Variants in CARM1 observed in about 807,000 individuals in gnomAD.
CARM1 encodes coactivator associated arginine methyltransferase 1, also known as histone-arginine methyltransferase CARM1.
CARM1 carries 14 observed loss-of-function variants against 72.7 expected under a neutral mutation model. That is an observed-to-expected ratio of 0.19 (90% CI 0.13 to 0.30). The LOEUF is 0.30. Ranked by LOEUF, CARM1 falls within the 10% of genes least tolerant of loss-of-function variation. The pLI, the probability that CARM1 is intolerant of heterozygous loss-of-function variation, is 1.00. For synonymous variants in CARM1, 333 were observed against 345.5 expected (o/e 0.96, Z 0.40); for missense variants, 432 against 833.7 (o/e 0.52, Z 5.93).
intron 1 of CARM1, among the ~76,000 whole-genome samples, chr19:10,878,829 G>A (rs1234313861): frequency 2.0e-5 from 3 of 148,972 alleles, no homozygotes; most frequent in African/African-American, 4.9e-5. Flanking sequence ...TTTTGAGATG[G>A]TGTCTCGCTC....
chr19:10,892,397 C>T (rs994234621), intron 1 of CARM1, among the ~76,000 whole-genome samples: 2 of 152,224 alleles, frequency 1.3e-5, no homozygotes, highest in South Asian at 4.1e-4. Context: ...GGTTGGGATT[C>T]GCCCAGAGGC....
rs990986728 is a variant in CARM1, at chr19:10,921,826, G to A, written c.*69G>A. 25 of 1,480,452 alleles carry A rather than the reference G, an allele frequency of 1.7e-5. No homozygotes were observed. Among genetic ancestry groups the A allele is most frequent in the South Asian group, 3.9e-5 (3 of 76,560 alleles). 91.7% of individuals were successfully genotyped at this position (1,480,452 alleles called of 1,614,324 possible). A position where few individuals can be genotyped will look rare whatever the true frequency, so the allele number is the denominator to read the frequency against. Reference sequence around the variant, plus strand: ...TCCCTGCCCGCCGCCCCCGCCGGGCGGCTTTCCCCCTTGTACTGGAGAAGC... The same window carrying A: ...TCCCTGCCCGCCGCCCCCGCCGGGCAGCTTTCCCCCTTGTACTGGAGAAGC... On this transcript the variant is annotated 3_prime_UTR_variant, in exon 16 of 16. Coordinates refer to ENST00000327064, the MANE Select transcript of CARM1 (RefSeq NM_199141.2).
At position 10,916,841 on chromosome 19, in the gene CARM1, C is replaced by T. The variant is rs2074200946; in HGVS notation, c.1020+64C>T. 2 of 1,227,242 alleles carry T rather than the reference C, an allele frequency of 1.6e-6. No homozygotes were observed. The highest frequency in any genetic ancestry group is 2.1e-5 in the Admixed American group (1 of 48,166). 76.0% of individuals were successfully genotyped at this position (1,227,242 alleles called of 1,614,324 possible). Reference sequence around the variant, plus strand: ...TGCCATTGCTGTGCAGCTGTGCAGCCCTCAGGAAGCTACAGCCCCTCTCTG... The same window carrying T: ...TGCCATTGCTGTGCAGCTGTGCAGCTCTCAGGAAGCTACAGCCCCTCTCTG... On this transcript the variant is annotated intron_variant, in intron 8 of 15. Transcript: ENST00000327064. The surrounding 1 kb of genome is among the most constrained non-coding windows in gnomAD (Gnocchi z 4.4).
chr19:10,911,207 T>C (rs2074148048), intron 4 of CARM1, among the ~76,000 whole-genome samples: 1 of 152,136 alleles, frequency 6.6e-6, no homozygotes, highest in Non-Finnish European at 1.5e-5. Context: ...CTCTTTTGAA[T>C]CAAATGGGAG....
chr19:10,920,070 C>G lies in CARM1; in HGVS notation c.1196+104C>G. On this transcript the variant is annotated intron_variant, in intron 10 of 15. Transcript: ENST00000327064. This position sits in a 1 kb window ranked among gnomAD's most constrained non-coding sequence, Gnocchi z 5.3. ...GGAACATGGCTCCAGGTTCCACCAT[C>G]CCTTCCAATGGGAGTGAGAGCCTGT... 2 of 868,216 alleles carry G rather than the reference C, an allele frequency of 2.3e-6. No individual in the cohort carries two copies. The highest frequency in any genetic ancestry group is 1.4e-5 in the South Asian group (1 of 71,682). 53.8% of individuals were successfully genotyped at this position (868,216 alleles called of 1,614,324 possible). A position where few individuals can be genotyped will look rare whatever the true frequency, so the allele number is the denominator to read the frequency against.
In CARM1 at chr19:10,915,397, G is replaced by T. The variant is rs945492455; in HGVS notation, c.848-1010G>T. On this transcript the variant is annotated intron_variant, in intron 6 of 15. Transcript: ENST00000327064. The surrounding 1 kb of genome is among the most constrained non-coding windows in gnomAD (Gnocchi z 4.6). Reference sequence around the variant, plus strand: ...CGTCCCAGCAGCCAGCTTGCAGGGAGGGGGGAGGCCAGGCCTGTGCAAGGA... The same window carrying T: ...CGTCCCAGCAGCCAGCTTGCAGGGATGGGGGAGGCCAGGCCTGTGCAAGGA... 2.6e-5 allele frequency among the ~76,000 whole-genome samples: 4 copies of T among 152,060 alleles called. No individual in the cohort carries two copies. Among genetic ancestry groups the T allele is most frequent in the African/African-American group, 9.7e-5 (4 of 41,410 alleles).
chr19:10,917,820 C>T (rs560252427), intron 8 of CARM1, among the ~76,000 whole-genome samples: 5 of 150,772 alleles, frequency 3.3e-5, no homozygotes, highest in Admixed American at 2.7e-4. Context: ...CGGGCTCAAG[C>T]GATTCTCAGA....
rs375683283 is a variant in CARM1 at position 10,916,826 on chromosome 19, G to A, written c.1020+49G>A. ...GCTGCAGTGATCACTTGCCATTGCT[G>A]TGCAGCTGTGCAGCCCTCAGGAAGC... On this transcript the variant is annotated intron_variant, in intron 8 of 15. Coordinates refer to ENST00000327064, the MANE Select transcript of CARM1 (RefSeq NM_199141.2). The surrounding 1 kb of genome is among the most constrained non-coding windows in gnomAD (Gnocchi z 4.4). 11 of 1,316,144 alleles carry A rather than the reference G, an allele frequency of 8.4e-6. No individual in the cohort carries two copies. Among genetic ancestry groups the A allele is most frequent in the Admixed American group, 2.0e-5 (1 of 49,632 alleles). The allele number at this position is 1,316,144 out of a possible 1,614,324, so 81.5% of individuals were successfully genotyped here. A position where few individuals can be genotyped will look rare whatever the true frequency, so the allele number is the denominator to read the frequency against.
At chr19:10,876,743 G>C (rs2073867543) in intron 1 of CARM1, among the ~76,000 whole-genome samples, 1 of 152,254 alleles carries the variant, frequency 6.6e-6, no homozygotes, top group Admixed American at 6.5e-5. Context: ...GGAAGCTTTG[G>C]CATGGCCTCT....
At chr19:10,919,460 G>A (rs1357476173) in intron 8 of CARM1, 135 bp from the exon 9 acceptor site, 15 of 661,042 alleles carry the variant, frequency 2.3e-5, no homozygotes, top group Admixed American at 5.2e-5. Flanking sequence ...TCCTCACGGC[G>A]TGTCTGGGAA....
In CARM1 at chr19:10,913,888, G is replaced by A. The variant is rs1425482558; in HGVS notation, c.681G>A (p.Lys227=). Residue 227 remains lysine (K), a synonymous_variant, in exon 6 of 16, where the codon AAG becomes AAA. Coordinates refer to ENST00000327064, the MANE Select transcript of CARM1 (RefSeq NM_199141.2). The part of the protein sequence containing the change: ...TMAQHAEVLV[K]SNNLTDRIVV... ...CTGCCCGCCTGCAGGTCTTGGTGAAGAGTAACAACCTGACGGACCGCATCG... is the reference window on the plus strand; with the variant it reads ...CTGCCCGCCTGCAGGTCTTGGTGAAAAGTAACAACCTGACGGACCGCATCG... 1 of 1,612,192 alleles carries A rather than the reference G, an allele frequency of 6.2e-7. No individual in the cohort carries two copies. Among genetic ancestry groups the A allele is most frequent in the Non-Finnish European group, 8.5e-7 (1 of 1,179,344 alleles).
At position 10,890,269 on chromosome 19, in the gene CARM1, GT is replaced by G. The variant is rs200303370; in HGVS notation, c.221-14667del. ...GGTTTTTTTGTTTTTTGTTTTGTTT[GT>G]TTTTTTTTTTTTTTGAGACAGAGTT... On this transcript the variant is annotated intron_variant, in intron 1 of 15. Transcript: ENST00000327064. 3.8e-3 allele frequency among the ~76,000 whole-genome samples: 516 copies of G among 136,128 alleles called. 2 individuals are homozygous for G. Among genetic ancestry groups the G allele is most frequent in the Non-Finnish European group, 4.7e-3 (293 of 62,640 alleles). The allele number at this position is 136,128 out of a possible 152,430, so 89.3% of individuals were successfully genotyped here.
chr19:10,921,525 C>T, intron 15 of CARM1, 82 bp downstream of exon 15: 2 of 1,567,960 alleles, frequency 1.3e-6, no homozygotes, highest in East Asian at 2.3e-5. Context: ...GCCCGCCTGC[C>T]CTCTTGCCTG....
At chr19:10,880,437 C>G (rs1170708839) in intron 1 of CARM1, among the ~76,000 whole-genome samples, 1 of 152,048 alleles carries the variant, frequency 6.6e-6, no homozygotes, top group Non-Finnish European at 1.5e-5. Context: ...CCTTGAACAC[C>G]CAGGCTCAAG....
At chr19:10,905,473 C>T (rs769645841) in intron 2 of CARM1, among the ~76,000 whole-genome samples, 35 of 152,276 alleles carry the variant, frequency 2.3e-4, no homozygotes, top group Middle Eastern at 6.8e-3. Context: ...ACCAGAAGGG[C>T]TTAACCAACC....
chr19:10,876,286 A>G (rs546804321), intron 1 of CARM1, among the ~76,000 whole-genome samples: 1 of 152,326 alleles, frequency 6.6e-6, no homozygotes, highest in Non-Finnish European at 1.5e-5. Context: ...TTGGCCTCCC[A>G]AAGTGCTAGG....
Position 10,920,598 on chromosome 19 carries a change from G to A in CARM1, c.1334+25G>A, listed in dbSNP as rs141369013. 1.0e-4 allele frequency: 165 copies of A among 1,613,940 alleles called. No homozygotes were observed. The African/African-American group carries it at 1.9e-3, about 19-fold the overall frequency. On this transcript the variant is annotated intron_variant, in intron 11 of 15. Coordinates refer to ENST00000327064, the MANE Select transcript of CARM1 (RefSeq NM_199141.2). The surrounding 1 kb of genome is among the most constrained non-coding windows in gnomAD (Gnocchi z 5.3). ...GGTGCGACTGCTCCCTGGGGCTGGTGGTGGTGGGCAGGGGTCCATCTGCCC... is the reference window on the plus strand; with the variant it reads ...GGTGCGACTGCTCCCTGGGGCTGGTAGTGGTGGGCAGGGGTCCATCTGCCC...
chr19:10,906,371 T>G (rs1271550804), intron 2 of CARM1, among the ~76,000 whole-genome samples: 1 of 152,262 alleles, frequency 6.6e-6, no homozygotes, highest in Non-Finnish European at 1.5e-5. Flanking sequence ...TTTTGAAGTG[T>G]GTAGGTTGGT....
intron 2 of CARM1, 103 bp downstream of exon 2, chr19:10,905,179 A>G: frequency 7.1e-7 from 1 of 1,409,842 alleles, no homozygotes; most frequent in East Asian, 2.3e-5. Context: ...GTGCATCCTT[A>G]AGAAGGCTCC....
Sources: gnomAD v4.1 joint callset for allele counts (sites outside exome capture counted in the v4.1 genomes callset) on GRCh38, gnomAD v4.1.1 for gene constraint, Gnocchi (gnomAD v3.1) non-coding constraint, MANE v1.5 for transcripts, NCBI Gene and HGNC (gene_info 2026-07-23, HGNC 2026-07-21) for gene names.